LIPN: variants seen among roughly 807,000 people sequenced by gnomAD.
LIPN encodes the protein lipase family member N.
A neutral mutation model predicts 43.7 loss-of-function variants in LIPN; 32 were observed. That is an observed-to-expected ratio of 0.73 (90% CI 0.55 to 0.98). The LOEUF is 0.98. Ranked by LOEUF, LIPN falls within the 50% of genes least tolerant of loss-of-function variation. The pLI is 0.00. For synonymous variants in LIPN, 156 were observed against 157.6 expected (o/e 0.99, Z 0.08); for missense variants, 505 against 483.8 (o/e 1.04, Z -0.41).
chr10:88,777,856 A>C (rs1023875360), intron 9 of LIPN, among the ~76,000 whole-genome samples, 153 bp from the exon 10 acceptor site: 5 of 152,044 alleles, frequency 3.3e-5, no homozygotes, highest in African/African-American at 9.7e-5. Flanking sequence ...CTCTTTTGCA[A>C]ATTTCTTAAA....
chr10:88,762,327 A>T (rs1397715739), intron 3 of LIPN, 22 bp downstream of exon 3: 1 of 1,425,076 alleles, frequency 7.0e-7, no homozygotes, highest in African/African-American at 1.4e-5. Context: ...GTCTCTCCTG[A>T]AAAGGGGACT....
In LIPN at chr10:88,778,128, T is replaced by A. The variant is rs1171540947; in HGVS notation, c.1083T>A (p.Ser361Arg). The change falls in exon 10 of 10, where the codon AGT becomes AGA. Residue 361 changes from serine to arginine, a missense_variant. Coordinates refer to ENST00000404459, the MANE Select transcript of LIPN (RefSeq NM_001102469.2). ...DVARILPQIK[S>R]LHYFKLLPDW... ...CCAGGATACTCCCTCAAATCAAGAG[T>A]CTTCATTACTTTAAGCTATTGCCAG... 2.5e-6 allele frequency: 4 copies of A among 1,613,518 alleles called. No individual in the cohort carries two copies. The highest frequency in any genetic ancestry group is 3.4e-6 in the Non-Finnish European group (4 of 1,179,708).
intron 9 of LIPN, among the ~76,000 whole-genome samples, chr10:88,777,410 A>G (rs1313865818): frequency 6.6e-6 from 1 of 151,470 alleles, no homozygotes; most frequent in East Asian, 1.9e-4. Flanking sequence ...TTTTTTCAGG[A>G]CTTGCCTTCA....
At chr10:88,772,573 G>C (rs567129340) in intron 7 of LIPN, among the ~76,000 whole-genome samples, 6 of 151,844 alleles carry the variant, frequency 4.0e-5, no homozygotes, top group Admixed American at 1.3e-4. Context: ...TAAATGTGTG[G>C]GTTTATTTGT....
chr10:88,766,588 T>A lies in LIPN; in HGVS notation c.535+210T>A, dbSNP rs61854004. ...GTAGGGCAAACCTTTCCTGGGTCTC[T>A]GGTCACAGCAGCATATTGACTACGG... is the stretch of plus-strand genomic sequence containing the variant. On this transcript the variant is annotated intron_variant, in intron 5 of 9. Transcript: ENST00000404459. Among the ~76,000 whole-genome samples the A allele has an allele frequency of 0.037, 5,667 of 152,056 alleles. 137 individuals are homozygous for A. The highest frequency in any genetic ancestry group is 0.068 in the Middle Eastern group (20 of 294).
Position 88,764,528 on chromosome 10 carries a change from G to A in LIPN, c.345G>A (p.Trp115Ter). The A allele has an allele frequency of 6.2e-7, 1 of 1,612,196 alleles. No homozygotes were observed. The stretch of plus-strand genomic sequence containing the variant: ...TAGCAGATGCAGGTTATGATGTATG[G>A]ATGGGAAACAGTCGGGGAAACACTT... The part of the protein sequence containing the change: ...FLLADAGYDV[W>*]MGNSRGNTWS... Residue 115 changes from tryptophan to a stop codon, truncating the protein, a stop_gained, in exon 4 of 10, where the codon TGG becomes TGA. Transcript: ENST00000404459. LOFTEE classifies it high-confidence loss of function.
intron 4 of LIPN, among the ~76,000 whole-genome samples, chr10:88,765,515 T>C (rs1265778728): frequency 2.0e-5 from 3 of 151,944 alleles, no homozygotes; most frequent in Non-Finnish European, 2.9e-5. Context: ...TCCCAATCTA[T>C]AGATTTCCTC....
At chr10:88,763,457 C>T (rs1843035941) in intron 3 of LIPN, among the ~76,000 whole-genome samples, 1 of 151,994 alleles carries the variant, frequency 6.6e-6, no homozygotes, top group Non-Finnish European at 1.5e-5. Flanking sequence ...AATTAAAGAT[C>T]ATTCATTAGA....
rs1843337514 is a variant in LIPN at position 88,778,631 on chromosome 10, G to T, written c.*389G>T. Among the ~76,000 whole-genome samples the T allele has an allele frequency of 6.6e-6, 1 of 152,100 alleles. No homozygotes were observed. Among genetic ancestry groups the T allele is most frequent in the Non-Finnish European group, 1.5e-5 (1 of 67,996 alleles). On this transcript the variant is annotated 3_prime_UTR_variant, in exon 10 of 10. Coordinates refer to ENST00000404459, the MANE Select transcript of LIPN (RefSeq NM_001102469.2). ...CATTTTATTTATATGGATTGCTATGGCAATGGACAGAGTGTGGGATTAGGA... is the reference window on the plus strand; with the variant it reads ...CATTTTATTTATATGGATTGCTATGTCAATGGACAGAGTGTGGGATTAGGA...
intron 3 of LIPN, among the ~76,000 whole-genome samples, chr10:88,762,742 T>C (rs754147613): frequency 9.2e-5 from 14 of 152,184 alleles, no homozygotes; most frequent in Non-Finnish European, 1.5e-4. Context: ...CTCTGCAGGA[T>C]AAAAAACAAT....
intron 6 of LIPN, 137 bp downstream of exon 6, chr10:88,769,065 T>G: frequency 1.3e-6 from 1 of 793,186 alleles, no homozygotes; most frequent in Non-Finnish European, 2.0e-6. Flanking sequence ...GGTATGTGCT[T>G]GTGTATGTGT....
rs1590171716 is a variant in LIPN at position 88,761,412 on chromosome 10, T to G, written c.7T>G (p.Trp3Gly). 1.2e-6 allele frequency: 2 copies of G among 1,607,660 alleles called. No individual in the cohort carries two copies. The highest frequency in any genetic ancestry group is 2.2e-5 in the South Asian group (2 of 90,950). The change falls in exon 2 of 10, where the codon TGG (tryptophan) becomes GGG (glycine). Residue 3 changes from tryptophan (W) to glycine (G), a missense_variant. Coordinates refer to ENST00000404459, the MANE Select transcript of LIPN (RefSeq NM_001102469.2). ...TTTTATGCCAGGCATTTCTATGATG[T>G]GGCTGCTTTTAACAACAACTTGTTT... MMWLLLTTTCLIC... is the reference protein window; with the variant it reads MMGLLLTTTCLIC...
chr10:88,770,175 C>A (rs71477202), intron 6 of LIPN, among the ~76,000 whole-genome samples: 6,548 of 151,856 alleles, frequency 0.043, 210 homozygotes, highest in Non-Finnish European at 0.058. Flanking sequence ...CAGGAATCCC[C>A]ATCCAAGTTT....
At chr10:88,772,103 ATTT>A (rs35059517) in intron 7 of LIPN, among the ~76,000 whole-genome samples, 3 of 146,666 alleles carry the variant, frequency 2.0e-5, no homozygotes, top group Non-Finnish European at 3.0e-5. Flanking sequence ...TTTAAATCAG[ATTT>A]TTTTTTTTTG....
At chr10:88,759,430 G>A (rs181071421), upstream of LIPN, among the ~76,000 whole-genome samples, 13 of 152,240 alleles carry the variant, frequency 8.5e-5, no homozygotes, top group Middle Eastern at 6.8e-3. Flanking sequence ...GAGGTAAATT[G>A]TCGTTATTTG....
rs1843338257 is a variant in LIPN at position 88,778,694 on chromosome 10, A to G, written c.*452A>G. Among the ~76,000 whole-genome samples the G allele has an allele frequency of 6.6e-6, 1 of 152,160 alleles. No individual in the cohort carries two copies. The highest frequency in any genetic ancestry group is 2.4e-5 in the African/African-American group (1 of 41,444). On this transcript the variant is annotated 3_prime_UTR_variant, in exon 10 of 10. Transcript: ENST00000404459. ...ACTTCTTTATAAAAGTTTCTTAGCTATCCTGAAGATGTATAGACATTTTTA... is the reference window on the plus strand; with the variant it reads ...ACTTCTTTATAAAAGTTTCTTAGCTGTCCTGAAGATGTATAGACATTTTTA...
Position 88,764,541 on chromosome 10 carries a change from C to T in LIPN, c.358C>T (p.Arg120Trp), listed in dbSNP as rs200069492. ...AGYDVWMGNS[R>W]GNTWSRRHKT... ...TTATGATGTATGGATGGGAAACAGT[C>T]GGGGAAACACTTGGTCAAGAAGACA... Residue 120 changes from arginine (R) to tryptophan (W), a missense_variant, in exon 4 of 10, where the codon CGG becomes TGG. Arg to Trp is a moderately radical substitution (Grantham distance 101). Transcript: ENST00000404459. 8.1e-6 allele frequency: 13 copies of T among 1,611,654 alleles called. No homozygotes were observed. Among genetic ancestry groups the T allele is most frequent in the African/African-American group, 2.7e-5 (2 of 74,760 alleles).
chr10:88,766,668 A>G (rs1329257552), intron 5 of LIPN, among the ~76,000 whole-genome samples: 5 of 151,982 alleles, frequency 3.3e-5, no homozygotes, highest in Non-Finnish European at 7.4e-5. Flanking sequence ...ATAATTCCAC[A>G]GAGTAAGTTT....
rs1564587033 is a variant in LIPN, at chr10:88,778,390, T to C, written c.*148T>C. Reference sequence around the variant, plus strand: ...TTTTCCAAGTCAATTGTGTTAGTGTTATTTATGTTTAGAGACATCTTTGCA... The same window carrying C: ...TTTTCCAAGTCAATTGTGTTAGTGTCATTTATGTTTAGAGACATCTTTGCA... On this transcript the variant is annotated 3_prime_UTR_variant, in exon 10 of 10. Transcript: ENST00000404459. 2 of 615,140 alleles carry C rather than the reference T, an allele frequency of 3.3e-6. No individual in the cohort carries two copies. Among genetic ancestry groups the C allele is most frequent in the Non-Finnish European group, 5.7e-6 (2 of 350,488 alleles). The allele number at this position is 615,140 out of a possible 1,614,324, so 38.1% of individuals were successfully genotyped here.
Sources: allele counts gnomAD v4.1 joint callset (sites outside exome capture counted in the v4.1 genomes callset), GRCh38; gene constraint gnomAD v4.1.1; transcripts MANE v1.5; gene names NCBI Gene and HGNC (gene_info 2026-07-23, HGNC 2026-07-21).